SDHAF3: variants seen among roughly 807,000 people sequenced by gnomAD.
The protein encoded by SDHAF3 is succinate dehydrogenase complex assembly factor 3.
Under a neutral mutation model 11.5 loss-of-function variants are expected in SDHAF3, and 18 were observed. The observed-to-expected ratio is 1.56, with a 90% confidence interval of 1.08 to 2.32. SDHAF3 has a LOEUF of 2.32. Among genes scored for constraint, SDHAF3 ranks in the 30% most tolerant of loss-of-function variants. The probability of loss-of-function intolerance (pLI) is 0.00; values close to 1 mark genes in which losing one functional copy is unlikely to be tolerated. For synonymous variants in SDHAF3, 72 were observed against 59.3 expected, an observed-to-expected ratio of 1.21 and a Z score of -0.99; for missense variants, 200 against 154.4, an observed-to-expected ratio of 1.30 and a Z score of -1.57.
chr7:97,181,158 A>G lies in SDHAF3; in HGVS notation c.321A>G (p.Glu107=). ...QIGQLQELMQ[E]ATKPNRQFSI... The stretch of plus-strand genomic sequence containing the variant: ...GACAGTTGCAGGAGCTGATGCAAGA[A>G]GCCACAAAACCCAATAGGCAATTTA... The change falls in exon 2 of 2, where the codon GAA becomes GAG. Residue 107 remains glutamate (E), a synonymous_variant. Transcript: ENST00000432641. 1 of 1,614,070 alleles carries G rather than the reference A, an allele frequency of 6.2e-7. No homozygotes were observed. Among genetic ancestry groups the G allele is most frequent in the Non-Finnish European group, 8.5e-7 (1 of 1,179,946 alleles).
At chr7:97,142,795 G>A (rs562735084) in intron 1 of SDHAF3, 2 of 151,644 alleles carry the variant, frequency 1.3e-5, no homozygotes, top group East Asian at 3.9e-4. Flanking sequence ...ATGAAACAGA[G>A]TGTCTGCATG....
chr7:97,163,982 T>C (rs1789457673), intron 1 of SDHAF3, among the ~76,000 whole-genome samples: 1 of 151,480 alleles, frequency 6.6e-6, no homozygotes, highest in African/African-American at 2.4e-5. Flanking sequence ...ACAGTCTTGC[T>C]CTGTTGCCAG....
chr7:97,177,284 T>C (rs1170599937), intron 1 of SDHAF3, among the ~76,000 whole-genome samples: 3 of 151,968 alleles, frequency 2.0e-5, no homozygotes, highest in Non-Finnish European at 4.4e-5. Context: ...GGGTGGATCA[T>C]GAGGTCAGGA....
At chr7:97,136,501 CT>C in intron 1 of SDHAF3, 61 of 596,828 alleles carry the variant, frequency 1.0e-4, no homozygotes, top group South Asian at 1.8e-4. Flanking sequence ...TTTAGTTCCA[CT>C]TTTTTTTAAC....
intron 1 of SDHAF3, chr7:97,136,354 C>A: frequency 1.7e-6 from 1 of 575,020 alleles, no homozygotes; most frequent in African/African-American, 1.8e-5. Flanking sequence ...TTGTGTAAAC[C>A]TGTATTTGCA....
intron 1 of SDHAF3, among the ~76,000 whole-genome samples, chr7:97,124,943 C>G (rs1479517263): frequency 6.6e-6 from 1 of 152,150 alleles, no homozygotes; most frequent in Non-Finnish European, 1.5e-5. Context: ...CATCTGCAAA[C>G]AGTTTGACTT....
Position 97,146,950 on chromosome 7 carries a change from C to A in SDHAF3, c.174+29053C>A, listed in dbSNP as rs569676774. On this transcript the variant is annotated intron_variant, in intron 1 of 1. Transcript: ENST00000432641. The stretch of plus-strand genomic sequence containing the variant: ...TAGAGACGGGGTTTCACCGTGTTAG[C>A]CAGGATAGTCTTGATCTCCTGACCT... 5.3e-5 allele frequency among the ~76,000 whole-genome samples: 8 copies of A among 152,144 alleles called. No individual in the cohort carries two copies. In the South Asian group the frequency reaches 1.7e-3, roughly 32 times the overall value.
chr7:97,124,882 TAAG>T (rs1380982950), intron 1 of SDHAF3, among the ~76,000 whole-genome samples: 1 of 152,218 alleles, frequency 6.6e-6, no homozygotes, highest in Non-Finnish European at 1.5e-5. Flanking sequence ...TTTATCAGCT[TAAG>T]GAGTTTTTGG....
intron 1 of SDHAF3, among the ~76,000 whole-genome samples, chr7:97,143,987 G>C (rs192633084): frequency 6.6e-6 from 1 of 151,982 alleles, no homozygotes; most frequent in Non-Finnish European, 1.5e-5. Context: ...CCGCATCCAC[G>C]CCAACATCTA....
At chr7:97,167,044 A>ATTTTTTTTTT (rs71131005) in intron 1 of SDHAF3, among the ~76,000 whole-genome samples, 1 of 147,688 alleles carries the variant, frequency 6.8e-6, no homozygotes. Flanking sequence ...ACTTTCAGTG[A>ATTTTTTTTTT]TTTTTTTTTT....
In SDHAF3 at chr7:97,122,473, G is replaced by C. The variant is rs11976466; in HGVS notation, c.174+4576G>C. On this transcript the variant is annotated intron_variant, in intron 1 of 1. Coordinates refer to ENST00000432641, the MANE Select transcript of SDHAF3 (RefSeq NM_020186.3). The stretch of plus-strand genomic sequence containing the variant: ...AGGTATATACCTAAACCAAGACAGA[G>C]GCCTTGAAAATGGAGGATATAGATT... 4.1e-3 allele frequency among the ~76,000 whole-genome samples: 629 copies of C among 151,884 alleles called. 6 individuals are homozygous for C. The highest frequency in any genetic ancestry group is 0.014 in the African/African-American group (588 of 41,422).
intron 1 of SDHAF3, among the ~76,000 whole-genome samples, chr7:97,143,074 A>G (rs2115672077): frequency 6.6e-6 from 1 of 151,202 alleles, no homozygotes; most frequent in African/African-American, 2.4e-5. Flanking sequence ...GAATTTTTGT[A>G]TTTTTAGTAG....
intron 1 of SDHAF3, among the ~76,000 whole-genome samples, chr7:97,178,746 T>C (rs6465571): frequency 0.58 from 87,746 of 151,900 alleles, 25,767 homozygotes; most frequent in Non-Finnish European, 0.63. Flanking sequence ...TTCTGGATAA[T>C]AAACCCTTTT....
chr7:97,121,209 T>A (rs1042934695), intron 1 of SDHAF3, among the ~76,000 whole-genome samples: 1 of 152,236 alleles, frequency 6.6e-6, no homozygotes, highest in Admixed American at 6.5e-5. Flanking sequence ...AAGTTCTGAC[T>A]GTGCTCATTT....
chr7:97,163,401 A>C (rs772812511), intron 1 of SDHAF3, among the ~76,000 whole-genome samples: 9 of 152,044 alleles, frequency 5.9e-5, no homozygotes, highest in Non-Finnish European at 1.3e-4. Context: ...TGGCCTCCCA[A>C]AGTGCTAGGA....
chr7:97,169,357 C>T (rs778627170), intron 1 of SDHAF3, among the ~76,000 whole-genome samples: 6 of 77,796 alleles, frequency 7.7e-5, no homozygotes, highest in Non-Finnish European at 1.7e-4. Flanking sequence ...TCAGTATTAC[C>T]CCAAATTGAA....
intron 1 of SDHAF3, among the ~76,000 whole-genome samples, chr7:97,151,708 C>G (rs534478415): frequency 1.8e-4 from 28 of 152,164 alleles, no homozygotes; most frequent in Non-Finnish European, 3.5e-4. Flanking sequence ...ACAGTGTTCA[C>G]CAGGATGGTC....
chr7:97,165,297 T>C (rs1452370021), intron 1 of SDHAF3, among the ~76,000 whole-genome samples: 1 of 144,768 alleles, frequency 6.9e-6, no homozygotes, highest in East Asian at 2.1e-4. Flanking sequence ...AAAGAAAATA[T>C]AAAATAAAAT....
At chr7:97,157,081 A>G (rs905910499) in intron 1 of SDHAF3, among the ~76,000 whole-genome samples, 9 of 152,140 alleles carry the variant, frequency 5.9e-5, no homozygotes, top group Non-Finnish European at 1.2e-4. Flanking sequence ...GAAATTTTAA[A>G]TACGAATTCT....
Sources: gnomAD v4.1 joint callset for allele counts (sites outside exome capture counted in the v4.1 genomes callset) on GRCh38, gnomAD v4.1.1 for gene constraint, MANE v1.5 for transcripts, NCBI Gene and HGNC (gene_info 2026-07-23, HGNC 2026-07-21) for gene names.